The following ARHGAP25 variants were observed in gnomAD, a reference collection of about 807,000 sequenced individuals.
ARHGAP25 encodes the protein Rho GTPase activating protein 25.
Under a neutral mutation model 71.0 loss-of-function variants are expected in ARHGAP25, and 34 were observed. The observed-to-expected ratio is 0.48, with a 90% CI of 0.36 to 0.64. The LOEUF is 0.64. Ranked by LOEUF, ARHGAP25 falls within the 30% of genes least tolerant of loss-of-function variation. The pLI, the probability that ARHGAP25 is intolerant of heterozygous loss-of-function variation, is 0.00. For missense variants in ARHGAP25, 706 were observed against 805.1 expected (o/e 0.88, Z 1.49); for synonymous variants, 282 against 296.5 (o/e 0.95, Z 0.50).
intron 1 of ARHGAP25, among the ~76,000 whole-genome samples, chr2:68,755,856 TTAAGA>T (rs953901502): frequency 2.0e-5 from 3 of 152,274 alleles, no homozygotes; most frequent in Admixed American, 2.0e-4. Context: ...CAATTTTACG[TTAAGA>T]TATTTACTAT....
At chr2:68,797,769 T>G (rs1199497164) in intron 4 of ARHGAP25, among the ~76,000 whole-genome samples, 1 of 152,322 alleles carries the variant, frequency 6.6e-6, no homozygotes, top group East Asian at 1.9e-4. Context: ...CATAGTCTTC[T>G]TGCCACTCCC....
At chr2:68,764,661 C>G (rs1407010688) in intron 1 of ARHGAP25, among the ~76,000 whole-genome samples, 3 of 152,138 alleles carry the variant, frequency 2.0e-5, no homozygotes. Context: ...CCCAGCCAGA[C>G]CTCTGTGCGC....
At chr2:68,805,138 G>A (rs1573588587) in intron 4 of ARHGAP25, among the ~76,000 whole-genome samples, 1 of 152,134 alleles carries the variant, frequency 6.6e-6, no homozygotes, top group Non-Finnish European at 1.5e-5. Context: ...GTGCAGCCAG[G>A]GAAGGGGGAG....
intron 6 of ARHGAP25, among the ~76,000 whole-genome samples, chr2:68,814,039 C>A (rs917738813): frequency 6.6e-6 from 1 of 152,170 alleles, no homozygotes; most frequent in African/African-American, 2.4e-5. Context: ...AACCAACCAA[C>A]CAAACAACCA....
At position 68,790,986 on chromosome 2, in the gene ARHGAP25, G is replaced by A. The variant is rs1240260897; in HGVS notation, c.466+3030G>A. Among the ~76,000 whole-genome samples, 9 of 152,062 alleles carry A rather than the reference G, an allele frequency of 5.9e-5. No individual in the cohort carries two copies. The South Asian group carries it at 6.2e-4, about 11-fold the overall frequency. ...ACCAGCCTCCTCAAACATCCTACCC[G>A]TGTTCCTGCCTCCAGGCCCTTGCAC... On this transcript the variant is annotated intron_variant, in intron 4 of 10. Transcript: ENST00000409202.
At chr2:68,766,726 C>G (rs1677143430) in intron 1 of ARHGAP25, among the ~76,000 whole-genome samples, 1 of 151,970 alleles carries the variant, frequency 6.6e-6, no homozygotes, top group Non-Finnish European at 1.5e-5. Context: ...CTCTCTCTCT[C>G]TCTCTCTTGT....
chr2:68,809,929 G>A (rs1680654950), intron 5 of ARHGAP25, among the ~76,000 whole-genome samples: 1 of 152,100 alleles, frequency 6.6e-6, no homozygotes, highest in African/African-American at 2.4e-5. Context: ...TACCAGGATG[G>A]ACACTGCCTG....
chr2:68,775,106 G>C, intron 1 of ARHGAP25, 115 bp from the exon 2 acceptor site: 1 of 1,588,974 alleles, frequency 6.3e-7, no homozygotes, highest in Non-Finnish European at 8.6e-7. Context: ...AACTGGACCT[G>C]GTTGTCGTCC....
chr2:68,825,672 G>C (rs1422237847), intron 10 of ARHGAP25, among the ~76,000 whole-genome samples: 3 of 152,122 alleles, frequency 2.0e-5, no homozygotes. Context: ...CTACTAGGGA[G>C]GCTGAGGAAG....
intron 4 of ARHGAP25, among the ~76,000 whole-genome samples, chr2:68,802,951 A>G (rs116663453): frequency 0.057 from 8,199 of 143,904 alleles, 306 homozygotes; most frequent in Admixed American, 0.11. Context: ...ATGTGTGTGT[A>G]TATATATACA....
At chr2:68,816,768 G>A (rs1006362268) in intron 7 of ARHGAP25, 2 of 165,128 alleles carry the variant, frequency 1.2e-5, no homozygotes, top group Non-Finnish European at 2.6e-5. Flanking sequence ...CACCCCTGTG[G>A]CAACTCTAGC....
chr2:68,808,489 G>T (rs1558653631), intron 5 of ARHGAP25, among the ~76,000 whole-genome samples: 1 of 152,078 alleles, frequency 6.6e-6, no homozygotes, highest in Non-Finnish European at 1.5e-5. Flanking sequence ...CATGCTTATG[G>T]CCACAGTTGT....
chr2:68,797,192 G>A (rs1483864787), intron 4 of ARHGAP25, among the ~76,000 whole-genome samples: 1 of 152,142 alleles, frequency 6.6e-6, no homozygotes. Flanking sequence ...CCCTCCAATG[G>A]CATATGCATG....
chr2:68,747,346 C>T (rs34803574), intron 1 of ARHGAP25, among the ~76,000 whole-genome samples: 6,762 of 152,146 alleles, frequency 0.044, 211 homozygotes, highest in Middle Eastern at 0.095. Context: ...GAGCCTAGTA[C>T]AAAATGAAAA....
chr2:68,722,933 G>C (rs929094426), intron 2 of ARHGAP25, among the ~76,000 whole-genome samples: 2 of 152,206 alleles, frequency 1.3e-5, no homozygotes, highest in Non-Finnish European at 2.9e-5. Context: ...AGGTGCGCTA[G>C]GTCTGGAGTT....
At chr2:68,725,218 C>T (rs1674855330) in intron 2 of ARHGAP25, among the ~76,000 whole-genome samples, 4 of 152,320 alleles carry the variant, frequency 2.6e-5, no homozygotes, top group Non-Finnish European at 5.9e-5. Context: ...TCTCACTCAC[C>T]TAGACCATTG....
chr2:68,804,068 G>C (rs1680191631), intron 4 of ARHGAP25, among the ~76,000 whole-genome samples: 1 of 152,168 alleles, frequency 6.6e-6, no homozygotes, highest in Non-Finnish European at 1.5e-5. Context: ...TATTGAAAGG[G>C]CTGCATTTGA....
In ARHGAP25 at chr2:68,755,349, A is replaced by T. The variant is rs182141360; in HGVS notation, c.62-19872A>T. 2.9e-4 allele frequency among the ~76,000 whole-genome samples: 44 copies of T among 152,310 alleles called. 1 individual carries two copies. The highest frequency in any genetic ancestry group is 9.9e-4 in the African/African-American group (41 of 41,566). ...TCATAAAAGCCACATTTTCCAAAAT[A>T]TCTTTTATCACTCAGAGAAAAGTGC... On this transcript the variant is annotated intron_variant, in intron 1 of 10. Coordinates refer to ENST00000409202, the MANE Select transcript of ARHGAP25 (RefSeq NM_001007231.3).
Position 68,767,994 on chromosome 2 carries a change from T to C in ARHGAP25, c.62-7227T>C, listed in dbSNP as rs1677227916. Among the ~76,000 whole-genome samples, 1 of 152,238 alleles carries C rather than the reference T, an allele frequency of 6.6e-6. No individual in the cohort carries two copies. The highest frequency in any genetic ancestry group is 6.5e-5 in the Admixed American group (1 of 15,286). On this transcript the variant is annotated intron_variant, in intron 1 of 10. Transcript: ENST00000409202. This position sits in a 1 kb window ranked among gnomAD's most constrained non-coding sequence, Gnocchi z 4.6. The stretch of plus-strand genomic sequence containing the variant: ...TGGATTCTTTAACCCTGTGAATTAC[T>C]AGACATGGATTCCATCTCCAATGTG...
Sources: gnomAD v4.1 joint callset for allele counts (sites outside exome capture counted in the v4.1 genomes callset) on GRCh38, gnomAD v4.1.1 for gene constraint, Gnocchi (gnomAD v3.1) non-coding constraint, MANE v1.5 for transcripts, NCBI Gene and HGNC (gene_info 2026-07-23, HGNC 2026-07-21) for gene names.